PDE4D: variants seen among roughly 807,000 people sequenced by gnomAD.
PDE4D encodes the protein 3',5'-cyclic-AMP phosphodiesterase 4D.
A neutral mutation model predicts 87.4 loss-of-function variants in PDE4D; 24 were observed. The ratio of observed to expected loss-of-function variants is 0.27; its 90% CI spans 0.20 to 0.39. PDE4D has a LOEUF of 0.39. Among genes scored for constraint, PDE4D ranks in the 10% least tolerant of loss-of-function variants. The pLI is 1.00. For missense variants in PDE4D, 714 were observed against 1,041.0 expected (o/e 0.69, Z 4.32); for synonymous variants, 384 against 383.2 (o/e 1.00, Z -0.02).
At chr5:59,905,056 T>C (rs925137645) in intron 3 of PDE4D, among the ~76,000 whole-genome samples, 1 of 152,102 alleles carries the variant, frequency 6.6e-6, no homozygotes, top group African/African-American at 2.4e-5. Context: ...TTAATCAAAG[T>C]AGTTTTGACA....
intron 1 of PDE4D, among the ~76,000 whole-genome samples, chr5:59,625,957 G>C (rs966782285): frequency 6.6e-6 from 1 of 152,032 alleles, no homozygotes; most frequent in South Asian, 2.1e-4. Context: ...GCGTGGTGGC[G>C]GGCGCCTGTA....
chr5:59,664,084 A>T (rs1745680784), intron 1 of PDE4D, among the ~76,000 whole-genome samples: 1 of 152,168 alleles, frequency 6.6e-6, no homozygotes, highest in Non-Finnish European at 1.5e-5. Flanking sequence ...AAATTTATAG[A>T]GTTAGTGAGA....
intron 1 of PDE4D, among the ~76,000 whole-genome samples, chr5:59,529,727 T>A (rs182077875): frequency 4.8e-4 from 73 of 152,370 alleles, no homozygotes; most frequent in African/African-American, 1.7e-3. Context: ...AAACATTATA[T>A]GACCAAAAGG....
intron 1 of PDE4D, among the ~76,000 whole-genome samples, chr5:60,297,571 T>C (rs965951832): frequency 2.6e-5 from 4 of 152,212 alleles, no homozygotes; most frequent in Admixed American, 1.3e-4. Flanking sequence ...TTTAACTCAA[T>C]CTTCTGGGAG....
chr5:59,502,666 G>GTA (rs1421387598), intron 1 of PDE4D, among the ~76,000 whole-genome samples: 1 of 15,628 alleles, frequency 6.4e-5, no homozygotes, highest in African/African-American at 3.0e-4. Context: ...TTAAGGTAGT[G>GTA]TGTGTGTGTG....
intron 1 of PDE4D, among the ~76,000 whole-genome samples, chr5:59,380,382 A>C (rs1297939515): frequency 7.7e-6 from 1 of 130,118 alleles, no homozygotes; most frequent in Non-Finnish European, 1.6e-5. Context: ...AAGGGCCAAA[A>C]GCAATCAAAA....
At chr5:59,499,137 C>T (rs1215030042) in intron 1 of PDE4D, among the ~76,000 whole-genome samples, 1 of 151,706 alleles carries the variant, frequency 6.6e-6, no homozygotes, top group Non-Finnish European at 1.5e-5. Flanking sequence ...CACACAAATA[C>T]AGGAAACTAA....
intron 1 of PDE4D, among the ~76,000 whole-genome samples, chr5:59,328,715 T>C (rs1006272006): frequency 6.6e-6 from 1 of 152,164 alleles, no homozygotes; most frequent in African/African-American, 2.4e-5. Context: ...TGTATTTGCA[T>C]TGCATTTAAA....
chr5:59,345,560 CAG>C (rs1779482826), intron 1 of PDE4D, among the ~76,000 whole-genome samples: 1 of 152,122 alleles, frequency 6.6e-6, no homozygotes, highest in Non-Finnish European at 1.5e-5. Context: ...GAGAAACAGA[CAG>C]AGTGTGAATG....
intron 2 of PDE4D, among the ~76,000 whole-genome samples, chr5:60,138,807 T>A (rs1780271859): frequency 6.6e-6 from 1 of 152,102 alleles, no homozygotes; most frequent in South Asian, 2.1e-4. Flanking sequence ...GATATATAAC[T>A]ACTATAAATA....
chr5:59,395,140 G>C (rs112830412), intron 1 of PDE4D, among the ~76,000 whole-genome samples: 23 of 151,148 alleles, frequency 1.5e-4, no homozygotes, highest in African/African-American at 4.9e-4. Flanking sequence ...GCAAGGCAGC[G>C]GCGAGGCTGG....
intron 1 of PDE4D, among the ~76,000 whole-genome samples, chr5:59,825,787 A>G (rs1770251943): frequency 6.6e-6 from 1 of 152,212 alleles, no homozygotes; most frequent in Non-Finnish European, 1.5e-5. Context: ...ACCTGCAGCC[A>G]GGATCAGGCT....
intron 1 of PDE4D, among the ~76,000 whole-genome samples, chr5:59,551,441 C>T (rs1288643254): frequency 6.7e-5 from 10 of 149,648 alleles, no homozygotes; most frequent in Non-Finnish European, 1.5e-4. Context: ...ATAATCATCC[C>T]TTTTCTCATT....
chr5:59,252,727 A>G (rs904365066), intron 1 of PDE4D, among the ~76,000 whole-genome samples: 1 of 151,838 alleles, frequency 6.6e-6, no homozygotes, highest in African/African-American at 2.4e-5. Flanking sequence ...GGGTCTTCCT[A>G]TGTTGCCCAG....
chr5:60,193,891 T>C (rs1740875788), intron 1 of PDE4D, among the ~76,000 whole-genome samples: 1 of 151,288 alleles, frequency 6.6e-6, no homozygotes, highest in South Asian at 2.1e-4. Context: ...CTCACCCAGC[T>C]TACTCTCCCT....
At chr5:60,181,074 G>T (rs190507597) in intron 2 of PDE4D, among the ~76,000 whole-genome samples, 65 of 152,162 alleles carry the variant, frequency 4.3e-4, no homozygotes, top group African/African-American at 1.5e-3. Context: ...AAAAATGAAT[G>T]CAGATAGCTC....
At chr5:59,888,833 G>A (rs1401054986) in intron 1 of PDE4D, among the ~76,000 whole-genome samples, 1 of 151,610 alleles carries the variant, frequency 6.6e-6, no homozygotes, top group Non-Finnish European at 1.5e-5. Context: ...TAAAGAAATA[G>A]CTTTTATAAC....
chr5:59,357,397 A>G (rs1366906842), intron 1 of PDE4D, among the ~76,000 whole-genome samples: 2 of 152,192 alleles, frequency 1.3e-5, no homozygotes, highest in Non-Finnish European at 1.5e-5. Flanking sequence ...AACTTCTCTT[A>G]AAAAGAGATG....
At chr5:59,593,255 G>T (rs1826159743) in intron 1 of PDE4D, among the ~76,000 whole-genome samples, 1 of 149,830 alleles carries the variant, frequency 6.7e-6, no homozygotes, top group Admixed American at 6.7e-5. Flanking sequence ...ATAAAATAAA[G>T]CCCAACTTCA....
Sources: gnomAD v4.1 joint callset for allele counts (sites outside exome capture counted in the v4.1 genomes callset) on GRCh38, gnomAD v4.1.1 for gene constraint, MANE v1.5 for transcripts, NCBI Gene and HGNC (gene_info 2026-07-23, HGNC 2026-07-21) for gene names.